The following DLG2 variants were observed in gnomAD, a reference collection of about 807,000 sequenced individuals.
DLG2 encodes disks large homolog 2.
Under a neutral mutation model 132.5 loss-of-function variants are expected in DLG2, and 45 were observed. The ratio of observed to expected loss-of-function variants is 0.34; its 90% confidence interval spans 0.27 to 0.44. DLG2 has a LOEUF of 0.44. DLG2 is among the 20% of genes least tolerant of loss of function. The probability of loss-of-function intolerance (pLI) is 1.00; values close to 1 mark genes in which losing one functional copy is unlikely to be tolerated. For missense variants in DLG2, 1,045 were observed against 1,196.9 expected (o/e 0.87, Z 1.87); for synonymous variants, 424 against 419.6 (o/e 1.01, Z -0.13).
chr11:83,745,551 C>T (rs889068983), intron 18 of DLG2, among the ~76,000 whole-genome samples: 13 of 152,232 alleles, frequency 8.5e-5, no homozygotes, highest in Non-Finnish European at 1.8e-4. Flanking sequence ...TGGCTGTAAT[C>T]CCAGCGCTTT....
At chr11:84,586,972 T>C (rs1593022981) in intron 6 of DLG2, among the ~76,000 whole-genome samples, 2 of 152,316 alleles carry the variant, frequency 1.3e-5, no homozygotes, top group Admixed American at 1.3e-4. Context: ...ATCAGTAAAG[T>C]CAGAAAACTC....
At chr11:84,908,333 T>C (rs1045479522) in intron 6 of DLG2, among the ~76,000 whole-genome samples, 1 of 152,144 alleles carries the variant, frequency 6.6e-6, no homozygotes, top group African/African-American at 2.4e-5. Flanking sequence ...ATACTAAATC[T>C]TCAAAATTCA....
At chr11:84,598,751 A>G (rs1390372233) in intron 6 of DLG2, among the ~76,000 whole-genome samples, 2 of 151,072 alleles carry the variant, frequency 1.3e-5, no homozygotes, top group Non-Finnish European at 2.9e-5. Context: ...ACACAGGGAG[A>G]CCCATCTATG....
At chr11:83,595,427 C>A (rs1241305230) in intron 19 of DLG2, among the ~76,000 whole-genome samples, 1 of 152,162 alleles carries the variant, frequency 6.6e-6, no homozygotes, top group Non-Finnish European at 1.5e-5. Flanking sequence ...ACAGGGCATC[C>A]TCCTCATTTT....
At chr11:84,098,614 C>A (rs2092081181) in intron 10 of DLG2, among the ~76,000 whole-genome samples, 1 of 152,062 alleles carries the variant, frequency 6.6e-6, no homozygotes, top group Non-Finnish European at 1.5e-5. Flanking sequence ...TATTATTTGC[C>A]CGTTAGTTCA....
chr11:83,507,449 T>A (rs1294120047), intron 21 of DLG2, among the ~76,000 whole-genome samples: 2 of 136,384 alleles, frequency 1.5e-5, no homozygotes, highest in Admixed American at 7.5e-5. Flanking sequence ...TATCTGTATA[T>A]ATATACACAT....
chr11:84,449,539 T>A (rs1387595963), intron 7 of DLG2, among the ~76,000 whole-genome samples: 1 of 151,796 alleles, frequency 6.6e-6, no homozygotes, highest in Non-Finnish European at 1.5e-5. Flanking sequence ...ATTCTATATG[T>A]CAGCTATTTT....
chr11:84,049,219 C>T (rs560670188), intron 11 of DLG2, among the ~76,000 whole-genome samples: 1 of 151,728 alleles, frequency 6.6e-6, no homozygotes, highest in Non-Finnish European at 1.5e-5. Context: ...TTAATAAATT[C>T]TCATCTATAA....
At chr11:84,369,253 C>T (rs1567435563) in intron 7 of DLG2, among the ~76,000 whole-genome samples, 1 of 152,010 alleles carries the variant, frequency 6.6e-6, no homozygotes, top group Admixed American at 6.6e-5. Context: ...CCAGCCACCA[C>T]AGTTGGTTTG....
intron 5 of DLG2, among the ~76,000 whole-genome samples, chr11:85,141,652 C>A (rs2076486748): frequency 6.6e-6 from 1 of 151,752 alleles, no homozygotes. Context: ...TAGAGAGTTT[C>A]TTCAGAGTTT....
intron 7 of DLG2, among the ~76,000 whole-genome samples, chr11:84,265,270 C>T (rs1157255355): frequency 6.8e-6 from 1 of 146,316 alleles, no homozygotes; most frequent in Non-Finnish European, 1.6e-5. Flanking sequence ...GTAATAACAA[C>T]CTTTACCAGG....
At chr11:84,886,926 C>T (rs570879592) in intron 6 of DLG2, among the ~76,000 whole-genome samples, 23 of 152,036 alleles carry the variant, frequency 1.5e-4, no homozygotes, top group Admixed American at 9.2e-4. Context: ...GAGTTCTCAC[C>T]CTTCTATCAA....
chr11:84,403,086 C>T (rs1049227388), intron 7 of DLG2, among the ~76,000 whole-genome samples: 3 of 151,856 alleles, frequency 2.0e-5, no homozygotes, highest in Non-Finnish European at 4.4e-5. Flanking sequence ...TCACCATTCT[C>T]AAGTTCATTT....
intron 3 of DLG2, among the ~76,000 whole-genome samples, chr11:85,396,906 C>A (rs1184729291): frequency 6.6e-6 from 1 of 152,130 alleles, no homozygotes; most frequent in Non-Finnish European, 1.5e-5. Flanking sequence ...GGCCAACATT[C>A]AAATTCAGGA....
At chr11:84,074,690 G>A (rs778068571) in intron 10 of DLG2, among the ~76,000 whole-genome samples, 32 of 151,904 alleles carry the variant, frequency 2.1e-4, no homozygotes, top group Non-Finnish European at 3.8e-4. Flanking sequence ...CACCACGCCC[G>A]GCTAATTTTT....
At chr11:84,619,414 A>G (rs2099610089) in intron 6 of DLG2, among the ~76,000 whole-genome samples, 1 of 151,832 alleles carries the variant, frequency 6.6e-6, no homozygotes, top group East Asian at 1.9e-4. Flanking sequence ...AAATGGCAGA[A>G]GTCAATGTTA....
chr11:84,960,158 G>A (rs1032800333), intron 6 of DLG2, among the ~76,000 whole-genome samples: 1 of 152,090 alleles, frequency 6.6e-6, no homozygotes, highest in Non-Finnish European at 1.5e-5. Flanking sequence ...GGCAAAGTGG[G>A]GATTTGAACC....
intron 9 of DLG2, among the ~76,000 whole-genome samples, chr11:84,101,222 G>C (rs2092492040): frequency 6.6e-6 from 1 of 152,100 alleles, no homozygotes; most frequent in Non-Finnish European, 1.5e-5. Flanking sequence ...TGGTGACATA[G>C]AGAAGAACAT....
intron 6 of DLG2, among the ~76,000 whole-genome samples, chr11:84,623,486 G>A (rs2099617320): frequency 6.6e-6 from 1 of 152,106 alleles, no homozygotes; most frequent in Non-Finnish European, 1.5e-5. Context: ...ATCATTGAAA[G>A]TATGGCAGAG....
Sources: allele counts gnomAD v4.1 joint callset (sites outside exome capture counted in the v4.1 genomes callset), GRCh38; gene constraint gnomAD v4.1.1; transcripts MANE v1.5; gene names NCBI Gene and HGNC (gene_info 2026-07-23, HGNC 2026-07-21).